The following GSE1 variants were observed in gnomAD, a reference collection of about 807,000 sequenced individuals.
GSE1 encodes the protein Gse1 coiled-coil protein, also known as genetic suppressor element 1.
In GSE1, 32 loss-of-function variants were observed where a neutral mutation model predicts 112.6. The observed-to-expected ratio is 0.28, with a 90% CI of 0.21 to 0.38. The LOEUF (loss-of-function observed/expected upper bound fraction) is 0.38. Among genes scored for constraint, GSE1 ranks in the 10% least tolerant of loss-of-function variants. GSE1 has a pLI of 1.00. For synonymous variants in GSE1, 1,115 were observed against 735.6 expected (o/e 1.52, Z -8.35); for missense variants, 2,348 against 1,699.2 (o/e 1.38, Z -6.71).
At chr16:85,422,028 A>G (rs2048856698) in intron 2 of GSE1, among the ~76,000 whole-genome samples, 1 of 152,122 alleles carries the variant, frequency 6.6e-6, no homozygotes, top group South Asian at 2.1e-4. Context: ...CATAGTGGGC[A>G]GAACTCCCGC....
intron 2 of GSE1, among the ~76,000 whole-genome samples, chr16:85,502,199 A>G (rs1295006541): frequency 2.0e-5 from 3 of 152,132 alleles, no homozygotes; most frequent in Non-Finnish European, 2.9e-5. Flanking sequence ...GGGGGACCAT[A>G]TGGGCTGCGT....
At chr16:85,215,882 G>A (rs142347817) in intron 1 of GSE1, among the ~76,000 whole-genome samples, 1 of 152,190 alleles carries the variant, frequency 6.6e-6, no homozygotes, top group African/African-American at 2.4e-5. Flanking sequence ...TGCAGAACAG[G>A]ATCAGGTTGT....
chr16:85,216,779 T>C (rs147213495), intron 1 of GSE1, among the ~76,000 whole-genome samples: 305 of 152,360 alleles, frequency 2.0e-3, no homozygotes, highest in African/African-American at 6.6e-3. Context: ...CTCCCTGGCC[T>C]TGGGCTGTTT....
intron 2 of GSE1, among the ~76,000 whole-genome samples, chr16:85,488,998 G>A (rs1401214786): frequency 1.3e-5 from 2 of 152,042 alleles, no homozygotes; most frequent in African/African-American, 2.4e-5. Context: ...GCTCCATGAG[G>A]CAACATGGTA....
At chr16:85,342,368 A>G (rs36040571) in intron 1 of GSE1, among the ~76,000 whole-genome samples, 67,126 of 152,056 alleles carry the variant, frequency 0.44, 15,390 homozygotes, top group African/African-American at 0.58. Context: ...GGGCTGGGGA[A>G]GAAATTAATA....
chr16:85,395,247 T>C (rs928029702), intron 2 of GSE1, among the ~76,000 whole-genome samples: 1 of 152,042 alleles, frequency 6.6e-6, no homozygotes, highest in African/African-American at 2.4e-5. Context: ...GTAAAATCTA[T>C]ACGAGGCCCA....
rs1308035460 is a variant in GSE1, at chr16:85,656,261, G to A, written c.990-82G>A. 8 of 1,544,750 alleles carry A rather than the reference G, an allele frequency of 5.2e-6. No individual in the cohort carries two copies. In the East Asian group the frequency reaches 1.8e-4, roughly 35 times the overall value. Reference sequence around the variant, plus strand: ...AGATTAGCGCCCTGGCTCGTTCCTGGTTATGCTTTTTAAGGGCCTGCCCCA... The same window carrying A: ...AGATTAGCGCCCTGGCTCGTTCCTGATTATGCTTTTTAAGGGCCTGCCCCA... On this transcript the variant is annotated intron_variant, in intron 6 of 15. Coordinates refer to ENST00000253458, the MANE Select transcript of GSE1 (RefSeq NM_014615.5).
chr16:85,370,618 T>A (rs1244073976), intron 2 of GSE1, among the ~76,000 whole-genome samples: 1 of 5,268 alleles, frequency 1.9e-4, no homozygotes, highest in Admixed American at 3.8e-3. Context: ...CCTCCTTCTC[T>A]CCCTCCCTCC....
chr16:85,612,646 A>T (rs2048067777), upstream of GSE1, among the ~76,000 whole-genome samples: 1 of 139,956 alleles, frequency 7.1e-6, no homozygotes, highest in Admixed American at 7.6e-5. Context: ...TGGAATTTTG[A>T]GGCCAAGTTC....
intron 2 of GSE1, among the ~76,000 whole-genome samples, chr16:85,383,406 A>G (rs4783189): frequency 0.83 from 126,381 of 151,878 alleles, 52,736 homozygotes; most frequent in Non-Finnish European, 0.86. Flanking sequence ...ACATGCACAC[A>G]CACGCACACA....
intron 1 of GSE1, among the ~76,000 whole-genome samples, chr16:85,572,675 G>A (rs559751982): frequency 2.6e-5 from 4 of 152,186 alleles, no homozygotes; most frequent in Non-Finnish European, 5.9e-5. Flanking sequence ...GGCTGCTCCG[G>A]AACCCAGTTC....
At chr16:85,621,901 G>T (rs533356455) in intron 1 of GSE1, among the ~76,000 whole-genome samples, 4 of 152,208 alleles carry the variant, frequency 2.6e-5, no homozygotes, top group African/African-American at 9.6e-5. Flanking sequence ...CAGCCTTCAG[G>T]ACAGGAGACA....
At chr16:85,514,275 T>C (rs1258609443) in intron 2 of GSE1, among the ~76,000 whole-genome samples, 2 of 148,772 alleles carry the variant, frequency 1.3e-5, no homozygotes, top group Non-Finnish European at 3.0e-5. Flanking sequence ...CTCCCTCCAG[T>C]TGAGATTCAG....
At chr16:85,349,448 C>G (rs1174314337) in intron 1 of GSE1, among the ~76,000 whole-genome samples, 1 of 152,114 alleles carries the variant, frequency 6.6e-6, no homozygotes, top group Non-Finnish European at 1.5e-5. Flanking sequence ...GAAGAGGGCT[C>G]CCGTGGCAGG....
At chr16:85,429,542 TG>T (rs2049070813) in intron 2 of GSE1, among the ~76,000 whole-genome samples, 2 of 152,206 alleles carry the variant, frequency 1.3e-5, no homozygotes, top group African/African-American at 4.8e-5. Flanking sequence ...CCCATGTCCC[TG>T]GGGACAAAAG....
intron 2 of GSE1, among the ~76,000 whole-genome samples, chr16:85,423,347 G>A (rs2048896060): frequency 6.6e-6 from 1 of 152,184 alleles, no homozygotes; most frequent in Non-Finnish European, 1.5e-5. Context: ...TGCCTCGGGG[G>A]CTCCACCCAG....
chr16:85,414,721 G>C (rs1022341198), intron 2 of GSE1, among the ~76,000 whole-genome samples: 1 of 152,164 alleles, frequency 6.6e-6, no homozygotes, highest in Admixed American at 6.5e-5. Flanking sequence ...TGAAACCTCT[G>C]CCTCCTGGGT....
At chr16:85,303,679 G>A (rs930421064) in intron 1 of GSE1, among the ~76,000 whole-genome samples, 1 of 152,258 alleles carries the variant, frequency 6.6e-6, no homozygotes, top group Admixed American at 6.5e-5. Context: ...GAAACACGGC[G>A]GTGCGGGCAG....
At chr16:85,664,239 G>T (rs555109270) in intron 11 of GSE1, among the ~76,000 whole-genome samples, 92 of 152,356 alleles carry the variant, frequency 6.0e-4, no homozygotes, top group Admixed American at 1.2e-3. Flanking sequence ...AGATGTTGAC[G>T]TTCCTGGCCC....
Sources: gnomAD v4.1 joint callset for allele counts (sites outside exome capture counted in the v4.1 genomes callset) on GRCh38, gnomAD v4.1.1 for gene constraint, MANE v1.5 for transcripts, NCBI Gene and HGNC (gene_info 2026-07-23, HGNC 2026-07-21) for gene names.